Variants in PRKN observed in about 807,000 individuals in gnomAD.
The protein encoded by PRKN is parkin RBR E3 ubiquitin protein ligase, also known as E3 ubiquitin-protein ligase parkin.
In PRKN, 56 loss-of-function variants were observed where a neutral mutation model predicts 59.5. The observed-to-expected ratio is 0.94, with a 90% CI of 0.76 to 1.18. PRKN has a LOEUF of 1.18. Among genes scored for constraint, PRKN ranks in the 50% most tolerant of loss-of-function variants. PRKN has a pLI of 0.00. For missense variants in PRKN, 657 were observed against 596.4 expected, an observed-to-expected ratio of 1.10 and a Z score of -1.06; for synonymous variants, 250 against 222.1, an observed-to-expected ratio of 1.13 and a Z score of -1.12.
At chr6:161,913,800 C>A (rs1233290947) in intron 6 of PRKN, among the ~76,000 whole-genome samples, 2 of 152,210 alleles carry the variant, frequency 1.3e-5, no homozygotes, top group East Asian at 3.9e-4. Context: ...GTAGGTGGAG[C>A]GTCTGGGAGG....
At chr6:162,170,840 A>G (rs1328736523) in intron 4 of PRKN, among the ~76,000 whole-genome samples, 1 of 152,242 alleles carries the variant, frequency 6.6e-6, no homozygotes, top group African/African-American at 2.4e-5. Context: ...GTAAGAAACC[A>G]AAGTGATTGC....
At chr6:161,728,907 T>A (rs1787561612) in intron 7 of PRKN, among the ~76,000 whole-genome samples, 1 of 152,230 alleles carries the variant, frequency 6.6e-6, no homozygotes, top group Non-Finnish European at 1.5e-5. Context: ...TCTTACGCAG[T>A]GACCCCTCTC....
Position 161,463,510 on chromosome 6 carries a change from C to T in PRKN, c.1084-76633G>A, listed in dbSNP as rs1433825615. Among the ~76,000 whole-genome samples, 1 of 152,146 alleles carries T rather than the reference C, an allele frequency of 6.6e-6. No individual in the cohort carries two copies. On this transcript the variant is annotated intron_variant, in intron 9 of 11. Transcript: ENST00000366898. This position sits in a 1 kb window ranked among gnomAD's most constrained non-coding sequence, Gnocchi z 4.8. ...GCACTTTTCTGAGGGCATCAACTAC[C>T]AAGGTTGGAGGGATCTTTACATCAA... is the stretch of plus-strand genomic sequence containing the variant.
intron 1 of PRKN, among the ~76,000 whole-genome samples, chr6:162,479,220 T>C (rs1792174892): frequency 6.6e-6 from 1 of 151,906 alleles, no homozygotes; most frequent in South Asian, 2.1e-4. Flanking sequence ...AAAAACAACC[T>C]TTAAAACTTT....
chr6:162,629,117 A>G (rs1783006183), intron 1 of PRKN, among the ~76,000 whole-genome samples: 1 of 152,136 alleles, frequency 6.6e-6, no homozygotes, highest in African/African-American at 2.4e-5. Context: ...CATATACAAG[A>G]AAATGCTTTT....
intron 5 of PRKN, among the ~76,000 whole-genome samples, chr6:161,990,949 A>G (rs1257267689): frequency 1.3e-5 from 2 of 152,242 alleles, no homozygotes; most frequent in Non-Finnish European, 2.9e-5. Context: ...TTCAAGGAAC[A>G]TTAGAGTCAG....
intron 2 of PRKN, among the ~76,000 whole-genome samples, chr6:162,317,372 G>T (rs924134475): frequency 1.3e-5 from 2 of 152,060 alleles, no homozygotes; most frequent in African/African-American, 4.8e-5. Context: ...CTCCATGTAA[G>T]ACCTGGCCTT....
intron 3 of PRKN, among the ~76,000 whole-genome samples, chr6:162,205,156 C>T (rs9458485): frequency 0.26 from 40,185 of 151,926 alleles, 5,794 homozygotes; most frequent in South Asian, 0.44. Flanking sequence ...CCACCACGCC[C>T]GGCCAAGTCC....
At chr6:162,121,172 A>C (rs2128305507) in intron 4 of PRKN, among the ~76,000 whole-genome samples, 1 of 152,326 alleles carries the variant, frequency 6.6e-6, no homozygotes, top group East Asian at 1.9e-4. Context: ...ACATTTGCAG[A>C]AATGTTGATC....
At chr6:161,350,316 T>A in intron 11 of PRKN, 105 bp from the exon 12 acceptor site, 1 of 768,646 alleles carries the variant, frequency 1.3e-6, no homozygotes, top group Non-Finnish European at 2.3e-6. Context: ...TCTGAGCGAA[T>A]AATCACAAGC....
At chr6:162,382,058 A>G (rs1266557638) in intron 2 of PRKN, among the ~76,000 whole-genome samples, 1 of 152,176 alleles carries the variant, frequency 6.6e-6, no homozygotes, top group Non-Finnish European at 1.5e-5. Flanking sequence ...AAGTAGCAAG[A>G]TTTTGCTGGC....
At chr6:161,521,090 G>A (rs1778803229) in intron 9 of PRKN, among the ~76,000 whole-genome samples, 1 of 152,106 alleles carries the variant, frequency 6.6e-6, no homozygotes, top group African/African-American at 2.4e-5. Flanking sequence ...GTCCTCAGCA[G>A]GATCTCAAAG....
intron 10 of PRKN, among the ~76,000 whole-genome samples, chr6:161,368,570 A>G (rs1311529603): frequency 6.6e-6 from 1 of 151,384 alleles, no homozygotes; most frequent in Non-Finnish European, 1.5e-5. Flanking sequence ...AACAACAACG[A>G]AAGCAACTAC....
intron 2 of PRKN, among the ~76,000 whole-genome samples, chr6:162,420,691 GATGA>G (rs2128159286): frequency 6.6e-6 from 1 of 152,260 alleles, no homozygotes; most frequent in African/African-American, 2.4e-5. Context: ...AAAATTCAGG[GATGA>G]ATGAAGGACT....
intron 7 of PRKN, among the ~76,000 whole-genome samples, chr6:161,769,461 A>C (rs1342052294): frequency 6.6e-6 from 1 of 152,160 alleles, no homozygotes; most frequent in Non-Finnish European, 1.5e-5. Context: ...GCATGAACAT[A>C]ACCAAGCCTA....
intron 6 of PRKN, among the ~76,000 whole-genome samples, chr6:161,945,521 T>A (rs1173653879): frequency 1.3e-5 from 2 of 152,132 alleles, no homozygotes; most frequent in African/African-American, 4.8e-5. Context: ...TTTCAACCAT[T>A]CCCACTATAT....
intron 9 of PRKN, among the ~76,000 whole-genome samples, chr6:161,508,979 G>A (rs1778277003): frequency 6.6e-6 from 1 of 152,050 alleles, no homozygotes; most frequent in East Asian, 1.9e-4. Flanking sequence ...CAAGTAGCTG[G>A]GATTACAGGC....
chr6:161,804,562 T>G (rs1164948495), intron 6 of PRKN, among the ~76,000 whole-genome samples: 3 of 152,156 alleles, frequency 2.0e-5, no homozygotes, highest in Non-Finnish European at 4.4e-5. Flanking sequence ...AGAAGGTAAC[T>G]TGGAAGGATT....
chr6:162,603,471 G>C (rs761894538), intron 1 of PRKN, among the ~76,000 whole-genome samples: 12 of 152,100 alleles, frequency 7.9e-5, no homozygotes, highest in Non-Finnish European at 1.6e-4. Context: ...TGTTGTCTTT[G>C]ACTGCCTTTG....
Sources: gnomAD v4.1 joint callset for allele counts (sites outside exome capture counted in the v4.1 genomes callset) on GRCh38, gnomAD v4.1.1 for gene constraint, Gnocchi (gnomAD v3.1) non-coding constraint, MANE v1.5 for transcripts, NCBI Gene and HGNC (gene_info 2026-07-23, HGNC 2026-07-21) for gene names.